The following NYAP2 variants were observed in gnomAD, a reference collection of about 807,000 sequenced individuals.
NYAP2 encodes the protein neuronal tyrosine-phosphorylated phosphoinositide-3-kinase adapter 2.
NYAP2 carries 23 observed loss-of-function variants against 50.4 expected under a neutral mutation model. That is an observed-to-expected ratio of 0.46 (90% CI 0.33 to 0.65). The LOEUF is 0.65. Among genes scored for constraint, NYAP2 ranks in the 30% least tolerant of loss-of-function variants. The probability of loss-of-function intolerance (pLI) is 0.02; values close to 1 mark genes in which losing one functional copy is unlikely to be tolerated. For missense variants in NYAP2, 885 were observed against 861.0 expected (o/e 1.03, Z -0.35); for synonymous variants, 394 against 365.2 (o/e 1.08, Z -0.90).
At chr2:225,592,759 G>T (rs77287264) in intron 5 of NYAP2, among the ~76,000 whole-genome samples, 2 of 152,086 alleles carry the variant, frequency 1.3e-5, no homozygotes, top group African/African-American at 4.8e-5. Flanking sequence ...GGGGTAGACC[G>T]CAGCTGTCCT....
At chr2:225,626,773 G>A in intron 5 of NYAP2, 144 bp from the exon 6 acceptor site, 1 of 650,384 alleles carries the variant, frequency 1.5e-6, no homozygotes, top group Non-Finnish European at 2.7e-6. Flanking sequence ...CTATGTTTCT[G>A]TTATATTTAA....
At chr2:225,657,532 A>C (rs1161789072), downstream of NYAP2, among the ~76,000 whole-genome samples, 1 of 151,758 alleles carries the variant, frequency 6.6e-6, no homozygotes, top group Non-Finnish European at 1.5e-5. Context: ...AAACAAAAAC[A>C]AGTCCTAAGG....
intron 3 of NYAP2, among the ~76,000 whole-genome samples, chr2:225,479,602 C>T (rs576057284): frequency 2.0e-5 from 3 of 151,950 alleles, no homozygotes; most frequent in South Asian, 2.1e-4. Flanking sequence ...ATTTTTGAAT[C>T]GGTTCCAATG....
At chr2:225,417,909 G>A (rs1268837694) in intron 3 of NYAP2, among the ~76,000 whole-genome samples, 4 of 152,060 alleles carry the variant, frequency 2.6e-5, no homozygotes, top group African/African-American at 9.7e-5. Flanking sequence ...TGTCCTCATC[G>A]GAGTTACAAT....
intron 5 of NYAP2, among the ~76,000 whole-genome samples, chr2:225,625,826 T>C (rs1161383793): frequency 6.6e-6 from 1 of 152,076 alleles, no homozygotes; most frequent in Non-Finnish European, 1.5e-5. Context: ...ATGATCAGAT[T>C]TGCATTTTCA....
At chr2:225,595,291 G>A (rs117727613) in intron 5 of NYAP2, among the ~76,000 whole-genome samples, 4 of 152,144 alleles carry the variant, frequency 2.6e-5, no homozygotes, top group Admixed American at 6.5e-5. Flanking sequence ...ATAGTGCTAT[G>A]GGTGGATAAT....
At chr2:225,675,031 C>T in the NYAP2 span, among the ~76,000 whole-genome samples, 1 of 152,074 alleles carries the variant, frequency 6.6e-6, no homozygotes, top group Non-Finnish European at 1.5e-5. Context: ...TTATTACCTT[C>T]TCAAATTATT....
intron 3 of NYAP2, among the ~76,000 whole-genome samples, chr2:225,433,095 T>A (rs1300445592): frequency 6.6e-6 from 1 of 152,182 alleles, no homozygotes; most frequent in African/African-American, 2.4e-5. Flanking sequence ...AAATACTTTT[T>A]TAAAAAAACC....
the NYAP2 span, among the ~76,000 whole-genome samples, chr2:225,694,423 T>C: frequency 6.6e-6 from 1 of 151,958 alleles, no homozygotes; most frequent in Admixed American, 6.6e-5. Flanking sequence ...AACATGCTAT[T>C]TATTATATCC....
intron 3 of NYAP2, among the ~76,000 whole-genome samples, chr2:225,491,673 G>A (rs983207834): frequency 1.3e-5 from 2 of 152,192 alleles, no homozygotes; most frequent in African/African-American, 4.8e-5. Context: ...GGGCTGGACT[G>A]GGGGTCTTTA....
chr2:225,425,272 T>C (rs556757593), intron 3 of NYAP2, among the ~76,000 whole-genome samples: 1 of 152,288 alleles, frequency 6.6e-6, no homozygotes, highest in South Asian at 2.1e-4. Flanking sequence ...CTAGTCAGCT[T>C]GGCATATCAG....
intron 4 of NYAP2, among the ~76,000 whole-genome samples, chr2:225,525,152 C>T (rs1179803594): frequency 6.6e-6 from 1 of 152,134 alleles, no homozygotes; most frequent in East Asian, 1.9e-4. Flanking sequence ...ATTAGTACAA[C>T]CTTTATGGAA....
chr2:225,696,967 TTATG>T, the NYAP2 span, among the ~76,000 whole-genome samples: 1 of 151,958 alleles, frequency 6.6e-6, no homozygotes, highest in African/African-American at 2.4e-5. Context: ...AGAGTAAGCA[TTATG>T]TAAGTATTTG....
At chr2:225,611,519 C>G (rs536078829) in intron 5 of NYAP2, among the ~76,000 whole-genome samples, 2 of 152,054 alleles carry the variant, frequency 1.3e-5, no homozygotes, top group Non-Finnish European at 2.9e-5. Context: ...TCCCTCTGCC[C>G]GCAAAACTAA....
At chr2:225,432,708 C>T (rs1320364113) in intron 3 of NYAP2, among the ~76,000 whole-genome samples, 1 of 152,110 alleles carries the variant, frequency 6.6e-6, no homozygotes, top group African/African-American at 2.4e-5. Context: ...AAGTAAAAGA[C>T]TCTTCCCTCC....
intron 3 of NYAP2, among the ~76,000 whole-genome samples, chr2:225,476,684 C>A (rs969848353): frequency 1.3e-5 from 2 of 152,066 alleles, no homozygotes; most frequent in African/African-American, 2.4e-5. Flanking sequence ...TGTGTAAATA[C>A]TACTGTTGTG....
At chr2:225,513,239 T>C in intron 3 of NYAP2, 132 bp from the exon 4 acceptor site, 2 of 823,166 alleles carry the variant, frequency 2.4e-6, no homozygotes, top group Non-Finnish European at 3.8e-6. Context: ...TGAGTTTGTT[T>C]TAAAAGGCAG....
At chr2:225,657,271 G>C (rs1469670607), downstream of NYAP2, among the ~76,000 whole-genome samples, 1 of 151,922 alleles carries the variant, frequency 6.6e-6, no homozygotes, top group African/African-American at 2.4e-5. Flanking sequence ...CACCACACCA[G>C]GCTAAATTTT....
rs1404265438 is a variant in NYAP2 at position 225,413,527 on chromosome 2, AAC to A, written c.221+4428_221+4429del. ...GGAGTTCTGACAATTTAAAAATAAT[AAC>A]AGTCTTTTATTATTTCCTCAAACTA... On this transcript the variant is annotated intron_variant, in intron 3 of 6. Transcript: ENST00000636099. Among the ~76,000 whole-genome samples the A allele has an allele frequency of 4.6e-5, 7 of 152,104 alleles. No individual in the cohort carries two copies. In the East Asian group the frequency reaches 9.7e-4, roughly 21 times the overall value.
Sources: gnomAD v4.1 joint callset for allele counts (sites outside exome capture counted in the v4.1 genomes callset) on GRCh38, gnomAD v4.1.1 for gene constraint, MANE v1.5 for transcripts, NCBI Gene and HGNC (gene_info 2026-07-23, HGNC 2026-07-21) for gene names.